The following CYSLTR2 variants were observed in gnomAD, a reference collection of about 807,000 sequenced individuals.
The protein encoded by CYSLTR2 is G-protein coupled receptor GPCR21.
For synonymous variants in CYSLTR2, 179 were observed against 160.8 expected, an observed-to-expected ratio of 1.11 and a Z score of -0.86; for missense variants, 398 against 411.9, an observed-to-expected ratio of 0.97 and a Z score of 0.29.
rs566217498 is a variant in CYSLTR2 at position 48,669,911 on chromosome 13, C to T, written c.-266+15894C>T. On this transcript the variant is annotated intron_variant, in intron 1 of 4. Transcript: ENST00000682523. ...TCCCACCAACAGTGTAAAAGCATTC[C>T]TATTTCTCCATATCCTCTCCAGCAT... Among the ~76,000 whole-genome samples the T allele has an allele frequency of 3.0e-3, 462 of 152,302 alleles. 3 individuals carry two copies. Among genetic ancestry groups the T allele is most frequent in the Non-Finnish European group, 3.8e-3 (258 of 68,016 alleles).
chr13:48,675,835 G>T (rs1258027750), intron 1 of CYSLTR2, among the ~76,000 whole-genome samples: 1 of 152,172 alleles, frequency 6.6e-6, no homozygotes, highest in African/African-American at 2.4e-5. Context: ...AAAAAGCATA[G>T]TATCTGGGCC....
At chr13:48,668,991 T>C (rs1953345206) in intron 1 of CYSLTR2, among the ~76,000 whole-genome samples, 1 of 152,204 alleles carries the variant, frequency 6.6e-6, no homozygotes, top group South Asian at 2.1e-4. Context: ...TGTCACATTT[T>C]CTTTATCCAG....
chr13:48,678,603 C>T (rs1228276280), intron 1 of CYSLTR2, among the ~76,000 whole-genome samples: 2 of 152,168 alleles, frequency 1.3e-5, no homozygotes, highest in East Asian at 1.9e-4. Context: ...TTCCTCCTCC[C>T]CAGCTATACA....
chr13:48,662,309 A>G (rs1040110281), intron 1 of CYSLTR2, among the ~76,000 whole-genome samples: 77 of 152,356 alleles, frequency 5.1e-4, no homozygotes, highest in African/African-American at 1.8e-3. Context: ...ATAGTGCTGC[A>G]GTAAACATGT....
In CYSLTR2 at chr13:48,706,879, G is replaced by A; in HGVS notation, c.62G>A (p.Gly21Asp). 3 of 1,614,098 alleles carry A rather than the reference G, an allele frequency of 1.9e-6. No homozygotes were observed. The highest frequency in any genetic ancestry group is 1.1e-5 in the South Asian group (1 of 91,078). The change falls in exon 5 of 5, where the codon GGC (glycine) becomes GAC (aspartate). Residue 21 changes from glycine (G) to aspartate (D), a missense_variant. Coordinates refer to ENST00000682523, the MANE Select transcript of CYSLTR2 (RefSeq NM_001308476.3). The part of the protein sequence containing the change: ...SISVSEMEPN[G>D]TFSNNNSRNC... ...TCCGTATCAGAAATGGAACCAAATG[G>A]CACCTTCAGCAATAACAACAGCAGG...
intron 1 of CYSLTR2, among the ~76,000 whole-genome samples, chr13:48,657,705 G>T (rs1953032429): frequency 6.6e-6 from 1 of 151,118 alleles, no homozygotes; most frequent in South Asian, 2.1e-4. Context: ...CCTGCCATGA[G>T]GCTGTAGAAA....
At position 48,707,569 on chromosome 13, in the gene CYSLTR2, TCAC is replaced by T; in HGVS notation, c.754_756del (p.Thr252del). 1.9e-6 allele frequency: 3 copies of T among 1,608,798 alleles called. No individual in the cohort carries two copies. The highest frequency in any genetic ancestry group is 2.5e-6 in the Non-Finnish European group (3 of 1,179,982). ...AGGAAGGCACTGACCACCATCATCA[TCAC>T]CTTGATCATCTTCTTCTTGTGTTTC... On this transcript the variant is annotated inframe_deletion, in exon 5 of 5. Coordinates refer to ENST00000682523, the MANE Select transcript of CYSLTR2 (RefSeq NM_001308476.3).
Position 48,709,355 on chromosome 13 carries a change from T to C in CYSLTR2, c.*1497T>C, listed in dbSNP as rs1013690558. 1.2e-5 allele frequency: 2 copies of C among 167,128 alleles called. No homozygotes were observed. The highest frequency in any genetic ancestry group is 6.5e-5 in the Admixed American group (1 of 15,284). 10.4% of individuals were successfully genotyped at this position (167,128 alleles called of 1,614,324 possible). A position where few individuals can be genotyped will look rare whatever the true frequency, so the allele number is the denominator to read the frequency against. ...TAGGGAGGGACTAAGTCAGTCATCATACTAAACAAAAATCCCAGTACCCTT... is the reference window on the plus strand; with the variant it reads ...TAGGGAGGGACTAAGTCAGTCATCACACTAAACAAAAATCCCAGTACCCTT... On this transcript the variant is annotated 3_prime_UTR_variant, in exon 5 of 5. Transcript: ENST00000682523.
intron 4 of CYSLTR2, among the ~76,000 whole-genome samples, chr13:48,705,748 T>C (rs1954465253): frequency 6.6e-6 from 1 of 150,924 alleles, no homozygotes; most frequent in South Asian, 2.1e-4. Context: ...ATAATATAAC[T>C]ATCTCAATAA....
At chr13:48,675,393 T>C (rs1953566185) in intron 1 of CYSLTR2, among the ~76,000 whole-genome samples, 1 of 152,188 alleles carries the variant, frequency 6.6e-6, no homozygotes, top group African/African-American at 2.4e-5. Context: ...TGCTGTGCTA[T>C]GGTGGGCTCT....
Position 48,706,907 on chromosome 13 carries a change from C to T in CYSLTR2, c.90C>T (p.Asn30=), listed in dbSNP as rs199817060. ...CCTTCAGCAATAACAACAGCAGGAACTGCACAATTGAAAACTTCAAGAGAG... is the reference window on the plus strand; with the variant it reads ...CCTTCAGCAATAACAACAGCAGGAATTGCACAATTGAAAACTTCAAGAGAG... ...NGTFSNNNSR[N]CTIENFKREF... is the part of the protein sequence containing the mutation. Residue 30 remains asparagine, a synonymous_variant, in exon 5 of 5, where the codon AAC becomes AAT. Transcript: ENST00000682523. The T allele has an allele frequency of 2.5e-6, 4 of 1,614,180 alleles. No individual in the cohort carries two copies. Among genetic ancestry groups the T allele is most frequent in the Non-Finnish European group, 3.4e-6 (4 of 1,179,998 alleles).
In CYSLTR2 at chr13:48,688,555, G is replaced by A. The variant is rs1426787909; in HGVS notation, c.-265-2657G>A. 2.0e-5 allele frequency among the ~76,000 whole-genome samples: 3 copies of A among 152,196 alleles called. No individual in the cohort carries two copies. In the East Asian group the frequency reaches 5.8e-4, roughly 29 times the overall value. On this transcript the variant is annotated intron_variant, in intron 1 of 4. Coordinates refer to ENST00000682523, the MANE Select transcript of CYSLTR2 (RefSeq NM_001308476.3). ...AGTTTGCTGAGAATGATGGTTTCCA[G>A]CTTCATCCACATCCCTGCAAATGTC...
intron 1 of CYSLTR2, among the ~76,000 whole-genome samples, chr13:48,685,065 G>A (rs9595964): frequency 0.1 from 15,159 of 152,126 alleles, 1,337 homozygotes; most frequent in African/African-American, 0.24. Context: ...AGAAATACCT[G>A]AGACTGGGTA....
chr13:48,677,870 T>C (rs1413223922), intron 1 of CYSLTR2, among the ~76,000 whole-genome samples: 2 of 100,142 alleles, frequency 2.0e-5, no homozygotes, highest in African/African-American at 1.3e-4. Context: ...CTGGTACTAT[T>C]TTTTTTTTTT....
At chr13:48,687,735 A>G (rs994686603) in intron 1 of CYSLTR2, among the ~76,000 whole-genome samples, 15 of 152,168 alleles carry the variant, frequency 9.9e-5, no homozygotes, top group African/African-American at 2.2e-4. Context: ...TTAGGGAAAC[A>G]TGATCCACTG....
chr13:48,674,998 C>T (rs1953554442), intron 1 of CYSLTR2, among the ~76,000 whole-genome samples: 1 of 152,182 alleles, frequency 6.6e-6, no homozygotes, highest in Non-Finnish European at 1.5e-5. Flanking sequence ...CCTCTGGAAG[C>T]TTTGTCCCAG....
chr13:48,704,168 A>T (rs1475029284), intron 4 of CYSLTR2, among the ~76,000 whole-genome samples: 1 of 152,126 alleles, frequency 6.6e-6, no homozygotes, highest in Non-Finnish European at 1.5e-5. Context: ...CAGGAGATGT[A>T]ACATTTTATT....
chr13:48,672,709 C>G (rs1414609989), intron 1 of CYSLTR2, among the ~76,000 whole-genome samples: 2 of 150,920 alleles, frequency 1.3e-5, no homozygotes, highest in East Asian at 3.9e-4. Context: ...CCTCCGCCTC[C>G]TGGGTTCATG....
At chr13:48,699,966 C>T (rs1954297117) in intron 4 of CYSLTR2, among the ~76,000 whole-genome samples, 1 of 152,112 alleles carries the variant, frequency 6.6e-6, no homozygotes, top group Non-Finnish European at 1.5e-5. Context: ...AAGACTAAAT[C>T]AGAAAGAAGT....
Sources: gnomAD v4.1 joint callset for allele counts (sites outside exome capture counted in the v4.1 genomes callset) on GRCh38, gnomAD v4.1.1 for gene constraint, MANE v1.5 for transcripts, NCBI Gene and HGNC (gene_info 2026-07-23, HGNC 2026-07-21) for gene names.